BNC2: variants seen among roughly 807,000 people sequenced by gnomAD.
BNC2 encodes basonuclin zinc finger protein 2, also known as zinc finger protein basonuclin-2.
A neutral mutation model predicts 76.3 loss-of-function variants in BNC2; 20 were observed. The observed-to-expected ratio is 0.26, with a 90% CI of 0.18 to 0.38. The LOEUF (loss-of-function observed/expected upper bound fraction) is 0.38, where lower values mean the gene tolerates loss of function less well. Among genes scored for constraint, BNC2 ranks in the 10% least tolerant of loss-of-function variants. The pLI is 1.00. For synonymous variants in BNC2, 582 were observed against 514.8 expected (o/e 1.13, Z -1.77); for missense variants, 1,382 against 1,399.8 (o/e 0.99, Z 0.20).
chr9:16,857,336 GC>G (rs968094976), intron 1 of BNC2, among the ~76,000 whole-genome samples: 1 of 151,882 alleles, frequency 6.6e-6, no homozygotes, highest in African/African-American at 2.4e-5. Flanking sequence ...AATTAGCCGG[GC>G]GGGTTGGCAG....
Position 16,708,250 on chromosome 9 carries a change from CT to C in BNC2, c.330+19546del, listed in dbSNP as rs1405898251. On this transcript the variant is annotated intron_variant, in intron 3 of 6. Transcript: ENST00000380672. ...CCATTTTCCTTGAGCCAAAAGAAAA[CT>C]TTACTGTGTTAAATGGCATTTAGAA... Among the ~76,000 whole-genome samples the C allele has an allele frequency of 7.9e-5, 12 of 152,304 alleles. No homozygotes were observed. In the South Asian group the frequency reaches 1.7e-3, roughly 21 times the overall value.
chr9:16,411,654 T>G lies in BNC2; in HGVS notation c.*7335A>C, dbSNP rs1820464231. The G allele has an allele frequency of 6.6e-6, 1 of 152,642 alleles. No individual in the cohort carries two copies. The highest frequency in any genetic ancestry group is 1.5e-5 in the Non-Finnish European group (1 of 68,036). 9.5% of individuals were successfully genotyped at this position (152,642 alleles called of 1,614,324 possible). On this transcript the variant is annotated 3_prime_UTR_variant, in exon 7 of 7. Coordinates refer to ENST00000380672, the MANE Select transcript of BNC2 (RefSeq NM_017637.6). ...CGAACCCAAGAGTCCTTGCTCAAAG[T>G]GCTTTTCTTCCCAGTCCCCACACTG...
intron 5 of BNC2, among the ~76,000 whole-genome samples, chr9:16,489,572 T>A (rs543136683): frequency 1.6e-4 from 24 of 152,310 alleles, no homozygotes; most frequent in Non-Finnish European, 3.4e-4. Flanking sequence ...CTGACATTTT[T>A]CATTTCCATG....
At chr9:16,722,163 T>A (rs1824176656) in intron 3 of BNC2, among the ~76,000 whole-genome samples, 1 of 152,332 alleles carries the variant, frequency 6.6e-6, no homozygotes, top group East Asian at 1.9e-4. Flanking sequence ...ACTGTTCCTT[T>A]GGAATCAGCT....
At chr9:16,753,188 A>G (rs974740355) in intron 1 of BNC2, among the ~76,000 whole-genome samples, 2 of 152,246 alleles carry the variant, frequency 1.3e-5, no homozygotes, top group East Asian at 3.8e-4. Context: ...CCAAATGTGT[A>G]AGCATAAAAC....
intron 5 of BNC2, among the ~76,000 whole-genome samples, chr9:16,539,150 C>T (rs572425339): frequency 1.3e-5 from 2 of 152,168 alleles, no homozygotes; most frequent in East Asian, 3.9e-4. Flanking sequence ...TACCAGTTAT[C>T]TCTTGAATAA....
At chr9:16,741,322 G>A (rs557945774) in intron 1 of BNC2, among the ~76,000 whole-genome samples, 38 of 152,040 alleles carry the variant, frequency 2.5e-4, no homozygotes, top group Non-Finnish European at 4.7e-4. Flanking sequence ...GTATGGTGGT[G>A]CATGCCTGTA....
At chr9:16,796,012 C>T (rs534092077) in intron 1 of BNC2, among the ~76,000 whole-genome samples, 73 of 152,246 alleles carry the variant, frequency 4.8e-4, no homozygotes, top group African/African-American at 1.5e-3. Flanking sequence ...CTCAGAGAGA[C>T]AATTTACGCA....
intron 1 of BNC2, among the ~76,000 whole-genome samples, chr9:16,812,020 G>A (rs1205809058): frequency 6.6e-6 from 1 of 152,216 alleles, no homozygotes; most frequent in Non-Finnish European, 1.5e-5. Flanking sequence ...TGCCCACAAG[G>A]TTTTCCAGCC....
chr9:16,439,805 G>GT (rs1821089804), intron 5 of BNC2, among the ~76,000 whole-genome samples: 1 of 152,214 alleles, frequency 6.6e-6, no homozygotes, highest in Admixed American at 6.5e-5. Flanking sequence ...AAGAATATGT[G>GT]TGAGTACGTG....
chr9:16,554,181 C>T (rs543262929), intron 4 of BNC2, among the ~76,000 whole-genome samples: 3 of 152,296 alleles, frequency 2.0e-5, no homozygotes, highest in South Asian at 4.1e-4. Context: ...CTACACTACA[C>T]GTGCATTCTC....
At chr9:16,793,806 G>A (rs1358078953) in intron 1 of BNC2, among the ~76,000 whole-genome samples, 2 of 150,478 alleles carry the variant, frequency 1.3e-5, no homozygotes, top group Non-Finnish European at 3.0e-5. Flanking sequence ...GCTGGGACTG[G>A]GACTGCAGGT....
At chr9:16,597,145 G>A (rs1445292100) in intron 3 of BNC2, among the ~76,000 whole-genome samples, 1 of 151,934 alleles carries the variant, frequency 6.6e-6, no homozygotes, top group East Asian at 1.9e-4. Context: ...TTTACACAAG[G>A]GAAAGAAAAA....
At chr9:16,505,184 C>T (rs1019591492) in intron 5 of BNC2, among the ~76,000 whole-genome samples, 7 of 152,182 alleles carry the variant, frequency 4.6e-5, no homozygotes, top group African/African-American at 1.7e-4. Context: ...CAGCACAGAA[C>T]TCAGAAATAA....
rs555771857 is a variant in BNC2, at chr9:16,603,451, G to A, written c.331-20366C>T. On this transcript the variant is annotated intron_variant, in intron 3 of 6. Transcript: ENST00000380672. ...ATATTTGTTAAACTTTTAACAATCAGGTTCACCCTAACATCACACACCAAA... is the reference window on the plus strand; with the variant it reads ...ATATTTGTTAAACTTTTAACAATCAAGTTCACCCTAACATCACACACCAAA... Among the ~76,000 whole-genome samples, 145 of 152,192 alleles carry A rather than the reference G, an allele frequency of 9.5e-4. 5 individuals are homozygous for A. Among genetic ancestry groups the A allele is most frequent in the Non-Finnish European group, 9.1e-4 (62 of 68,008 alleles).
At chr9:16,653,568 C>T (rs1488720740) in intron 3 of BNC2, among the ~76,000 whole-genome samples, 1 of 152,042 alleles carries the variant, frequency 6.6e-6, no homozygotes, top group Non-Finnish European at 1.5e-5. Context: ...CTCTGGGGGC[C>T]TGGCGGGGGA....
At position 16,657,492 on chromosome 9, in the gene BNC2, G is replaced by C. The variant is rs146633938; in HGVS notation, c.330+70305C>G. Reference sequence around the variant, plus strand: ...AAGAAACAGAAGCTAGACTGTGGGAGGCTAAGGCAGAAGAGGAAACAAATT... The same window carrying C: ...AAGAAACAGAAGCTAGACTGTGGGACGCTAAGGCAGAAGAGGAAACAAATT... On this transcript the variant is annotated intron_variant, in intron 3 of 6. Coordinates refer to ENST00000380672, the MANE Select transcript of BNC2 (RefSeq NM_017637.6). Among the ~76,000 whole-genome samples, 221 of 152,298 alleles carry C rather than the reference G, an allele frequency of 1.5e-3. 1 individual carries two copies. Among genetic ancestry groups the C allele is most frequent in the African/African-American group, 4.9e-3 (204 of 41,568 alleles).
chr9:16,605,986 C>A (rs1340577826), intron 3 of BNC2, among the ~76,000 whole-genome samples: 1 of 151,948 alleles, frequency 6.6e-6, no homozygotes, highest in African/African-American at 2.4e-5. Flanking sequence ...TCAAGTGACC[C>A]ACTCACCTTG....
intron 1 of BNC2, among the ~76,000 whole-genome samples, chr9:16,778,068 G>A (rs548974316): frequency 1.3e-5 from 2 of 152,212 alleles, no homozygotes; most frequent in Admixed American, 6.5e-5. Flanking sequence ...GGCCACAGTA[G>A]GTGACTAAAT....
Sources: gnomAD v4.1 joint callset for allele counts (sites outside exome capture counted in the v4.1 genomes callset) on GRCh38, gnomAD v4.1.1 for gene constraint, MANE v1.5 for transcripts, NCBI Gene and HGNC (gene_info 2026-07-23, HGNC 2026-07-21) for gene names.